POU6F2: variants seen among roughly 807,000 people sequenced by gnomAD.
POU6F2 encodes the protein POU domain, class 6, transcription factor 2.
In POU6F2, 31 loss-of-function variants were observed where a neutral mutation model predicts 71.3. The observed-to-expected ratio is 0.43, with a 90% CI of 0.33 to 0.59. The LOEUF (loss-of-function observed/expected upper bound fraction) is 0.59, where lower values mean the gene tolerates loss of function less well. Ranked by LOEUF, POU6F2 falls within the 20% of genes least tolerant of loss-of-function variation. The pLI, the probability that POU6F2 is intolerant of heterozygous loss-of-function variation, is 0.04. For missense variants in POU6F2, 783 were observed against 856.8 expected, an observed-to-expected ratio of 0.91 and a Z score of 1.07; for synonymous variants, 347 against 355.7, an observed-to-expected ratio of 0.98 and a Z score of 0.27.
At chr7:39,458,425 T>C (rs934217647) in intron 8 of POU6F2, among the ~76,000 whole-genome samples, 1 of 152,188 alleles carries the variant, frequency 6.6e-6, no homozygotes, top group African/African-American at 2.4e-5. Context: ...TGGGTTTTAT[T>C]TGCACACTGC....
At chr7:39,172,381 A>G (rs1370790635) in intron 2 of POU6F2, among the ~76,000 whole-genome samples, 1 of 152,148 alleles carries the variant, frequency 6.6e-6, no homozygotes, top group African/African-American at 2.4e-5. Context: ...GAACTTCTAC[A>G]GAGTAATTCC....
intron 1 of POU6F2, among the ~76,000 whole-genome samples, chr7:38,999,112 A>C (rs1210908640): frequency 6.6e-6 from 1 of 152,134 alleles, no homozygotes; most frequent in Non-Finnish European, 1.5e-5. Context: ...GTTAAGTAGA[A>C]GGCATTTTGG....
intron 4 of POU6F2, among the ~76,000 whole-genome samples, chr7:39,290,532 T>G (rs1401868902): frequency 2.6e-5 from 4 of 152,246 alleles, no homozygotes; most frequent in African/African-American, 9.6e-5. Flanking sequence ...TTTCAGGGAC[T>G]AAACATATCG....
At chr7:39,462,797 A>G (rs1788980114) in intron 9 of POU6F2, among the ~76,000 whole-genome samples, 3 of 152,210 alleles carry the variant, frequency 2.0e-5, no homozygotes, top group Non-Finnish European at 4.4e-5. Flanking sequence ...AAAATAAACA[A>G]ATAACCCTTG....
At chr7:39,218,357 T>G (rs1168240251) in intron 4 of POU6F2, among the ~76,000 whole-genome samples, 1 of 151,698 alleles carries the variant, frequency 6.6e-6, no homozygotes, top group Non-Finnish European at 1.5e-5. Flanking sequence ...AGTGGGGGGG[T>G]TATTGAAAAT....
At chr7:39,337,663 T>TAGTGTGTAG (rs1462676911) in intron 4 of POU6F2, among the ~76,000 whole-genome samples, 1 of 152,238 alleles carries the variant, frequency 6.6e-6, no homozygotes, top group African/African-American at 2.4e-5. Context: ...ATTTTCATGT[T>TAGTGTGTAG]AGTGTGTAGG....
chr7:39,400,774 T>G (rs1787280781), intron 5 of POU6F2, among the ~76,000 whole-genome samples: 2 of 152,206 alleles, frequency 1.3e-5, no homozygotes, highest in African/African-American at 4.8e-5. Flanking sequence ...AATTTTACCA[T>G]TAAGTGAAAA....
intron 4 of POU6F2, among the ~76,000 whole-genome samples, chr7:39,234,861 G>A (rs1023389771): frequency 6.6e-6 from 1 of 152,176 alleles, no homozygotes; most frequent in South Asian, 2.1e-4. Context: ...AAACTATCCA[G>A]ATAGGGCATC....
chr7:39,120,120 G>A (rs1792009873), intron 2 of POU6F2, among the ~76,000 whole-genome samples: 1 of 152,194 alleles, frequency 6.6e-6, no homozygotes, highest in Non-Finnish European at 1.5e-5. Context: ...GGGTACCAGA[G>A]TATTGTATCA....
At chr7:39,413,009 T>G (rs536194100) in intron 6 of POU6F2, among the ~76,000 whole-genome samples, 116 of 151,480 alleles carry the variant, frequency 7.7e-4, no homozygotes, top group African/African-American at 2.8e-3. Flanking sequence ...TTTCACCGTG[T>G]TAGCCAGGAT....
At chr7:39,330,888 A>G (rs1185834772) in intron 4 of POU6F2, among the ~76,000 whole-genome samples, 2 of 152,052 alleles carry the variant, frequency 1.3e-5, no homozygotes, top group Non-Finnish European at 1.5e-5. Flanking sequence ...TACTCCTCCT[A>G]TCTAATTTTA....
At chr7:39,414,448 G>A (rs750529468) in intron 6 of POU6F2, among the ~76,000 whole-genome samples, 5 of 152,236 alleles carry the variant, frequency 3.3e-5, no homozygotes, top group Non-Finnish European at 5.9e-5. Context: ...CAGAGGGAGA[G>A]TGGAGGGGGC....
chr7:39,107,070 A>G (rs542148814), intron 2 of POU6F2, among the ~76,000 whole-genome samples: 2 of 147,068 alleles, frequency 1.4e-5, no homozygotes, highest in African/African-American at 5.0e-5. Flanking sequence ...TTTTCAAACA[A>G]GGCCTACTCT....
intron 2 of POU6F2, among the ~76,000 whole-genome samples, chr7:39,187,238 C>G (rs972835420): frequency 6.6e-6 from 1 of 152,188 alleles, no homozygotes; most frequent in Non-Finnish European, 1.5e-5. Context: ...GGCAATCCGC[C>G]CTCAGAGCCT....
chr7:39,353,780 G>T (rs1786195095), intron 5 of POU6F2, among the ~76,000 whole-genome samples: 1 of 152,206 alleles, frequency 6.6e-6, no homozygotes, highest in African/African-American at 2.4e-5. Flanking sequence ...CACACTTGAT[G>T]CCTGGATTTG....
chr7:38,986,692 A>T (rs1788472558), intron 1 of POU6F2, among the ~76,000 whole-genome samples: 1 of 152,162 alleles, frequency 6.6e-6, no homozygotes. Flanking sequence ...TAATTTCTGC[A>T]TATGGCAAAC....
intron 1 of POU6F2, among the ~76,000 whole-genome samples, chr7:38,980,082 A>C (rs1788279174): frequency 6.6e-6 from 1 of 152,174 alleles, no homozygotes; most frequent in Non-Finnish European, 1.5e-5. Flanking sequence ...ACTCTTTAGT[A>C]TAATTGTTAA....
chr7:39,156,123 G>C (rs906857685), intron 2 of POU6F2, among the ~76,000 whole-genome samples: 5 of 152,080 alleles, frequency 3.3e-5, no homozygotes, highest in African/African-American at 7.2e-5. Context: ...AAATGACCAG[G>C]TAAAATCCAG....
chr7:39,431,508 CTTA>C (rs1788099678), intron 6 of POU6F2, among the ~76,000 whole-genome samples: 1 of 152,206 alleles, frequency 6.6e-6, no homozygotes, highest in Non-Finnish European at 1.5e-5. Context: ...AGCAGTATCA[CTTA>C]CAAACCCAGC....
Sources: gnomAD v4.1 joint callset for allele counts (sites outside exome capture counted in the v4.1 genomes callset) on GRCh38, gnomAD v4.1.1 for gene constraint, MANE v1.5 for transcripts, NCBI Gene and HGNC (gene_info 2026-07-23, HGNC 2026-07-21) for gene names.